Variants in BRSK1 observed in about 807,000 individuals in gnomAD.
BRSK1 encodes BR serine/threonine kinase 1.
A neutral mutation model predicts 86.2 loss-of-function variants in BRSK1; 17 were observed. That is an observed-to-expected ratio of 0.20 (90% CI 0.14 to 0.30). The LOEUF is 0.30. Ranked by LOEUF, BRSK1 falls within the 10% of genes least tolerant of loss-of-function variation. The pLI is 1.00. For synonymous variants in BRSK1, 464 were observed against 440.1 expected, an observed-to-expected ratio of 1.05 and a Z score of -0.68; for missense variants, 719 against 1,071.9, an observed-to-expected ratio of 0.67 and a Z score of 4.60.
chr19:55,302,019 C>G lies in BRSK1; in HGVS notation c.826-118C>G. On this transcript the variant is annotated intron_variant, in intron 8 of 18. Transcript: ENST00000309383. This position sits in a 1 kb window ranked among gnomAD's most constrained non-coding sequence, Gnocchi z 6.3. ...GGGCGATGTAATATGTCATCCTGCC[C>G]CCGGTGGGGTGGGCGGGGAGATGAT... is the stretch of plus-strand genomic sequence containing the variant. 1.7e-6 allele frequency: 2 copies of G among 1,192,998 alleles called. No homozygotes were observed. Among genetic ancestry groups the G allele is most frequent in the Non-Finnish European group, 2.5e-6 (2 of 799,130 alleles). The allele number at this position is 1,192,998 out of a possible 1,614,324, so 73.9% of individuals were successfully genotyped here. A position where few individuals can be genotyped will look rare whatever the true frequency, so the allele number is the denominator to read the frequency against.
Position 55,287,200 on chromosome 19 carries a change from CT to C in BRSK1, c.232-13del, listed in dbSNP as rs1568978489. ...GACCTCTTTTCCCGTGTCCCCACCC[CT>C]CTTGACCCTCAGGTGGAGCGGGAGA... On this transcript the variant is annotated splice_polypyrimidine_tract_variant and intron_variant, in intron 2 of 18. Coordinates refer to ENST00000309383, the MANE Select transcript of BRSK1 (RefSeq NM_032430.2). This position sits in a 1 kb window ranked among gnomAD's most constrained non-coding sequence, Gnocchi z 5.3. 2 of 1,614,056 alleles carry C rather than the reference CT, an allele frequency of 1.2e-6. No homozygotes were observed. Among genetic ancestry groups the C allele is most frequent in the Non-Finnish European group, 1.7e-6 (2 of 1,179,936 alleles).
chr19:55,311,255 C>G (rs543176860), intron 18 of BRSK1, among the ~76,000 whole-genome samples: 3 of 152,192 alleles, frequency 2.0e-5, no homozygotes, highest in Admixed American at 1.3e-4. Flanking sequence ...AGCCACTGCG[C>G]CCGGCCCACT....
At position 55,303,500 on chromosome 19, in the gene BRSK1, G is replaced by A; in HGVS notation, c.1126+92G>A. On this transcript the variant is annotated intron_variant, in intron 11 of 18. Coordinates refer to ENST00000309383, the MANE Select transcript of BRSK1 (RefSeq NM_032430.2). This position sits in a 1 kb window ranked among gnomAD's most constrained non-coding sequence, Gnocchi z 5.1. ...CCCCAGATTCCCAAGGAAAGAAGGG[G>A]CTGCAGGCTCTGAGCTTCCAGCTTT... 1 of 1,495,530 alleles carries A rather than the reference G, an allele frequency of 6.7e-7. No individual in the cohort carries two copies. Among genetic ancestry groups the A allele is most frequent in the Non-Finnish European group, 9.3e-7 (1 of 1,077,772 alleles). 92.6% of individuals were successfully genotyped at this position (1,495,530 alleles called of 1,614,324 possible). A position where few individuals can be genotyped will look rare whatever the true frequency, so the allele number is the denominator to read the frequency against.
At chr19:55,296,662 T>A (rs543249629) in intron 7 of BRSK1, among the ~76,000 whole-genome samples, 1 of 152,088 alleles carries the variant, frequency 6.6e-6, no homozygotes, top group Admixed American at 6.6e-5. Flanking sequence ...CTGGCTAACG[T>A]GGTGAAACCC....
At position 55,306,317 on chromosome 19, in the gene BRSK1, C is replaced by T. The variant is rs779515997; in HGVS notation, c.1956C>T (p.Gly652=). ...TCAGGGCCGAGTACAAGGCCAGTGG[C>T]GGCCCCTCCGTCTTCCAAAAGCCCG... ...TSFRAEYKAS[G]GPSVFQKPVR... is the part of the protein sequence containing the mutation. Residue 652 remains glycine, a synonymous_variant, in exon 17 of 19, where the codon GGC becomes GGT. Transcript: ENST00000309383. The surrounding 1 kb of genome is among the most constrained non-coding windows in gnomAD (Gnocchi z 4.7). The T allele has an allele frequency of 8.7e-6, 14 of 1,613,972 alleles. No homozygotes were observed. Among genetic ancestry groups the T allele is most frequent in the Middle Eastern group, 1.6e-4 (1 of 6,084 alleles).
At chr19:55,297,409 A>G (rs1307382778) in intron 7 of BRSK1, among the ~76,000 whole-genome samples, 2 of 152,060 alleles carry the variant, frequency 1.3e-5, no homozygotes, top group African/African-American at 4.8e-5. Flanking sequence ...TGATCATGTT[A>G]TTTCACACAA....
Position 55,305,596 on chromosome 19 carries a change from C to A in BRSK1, c.1890+10C>A. The A allele has an allele frequency of 6.2e-7, 1 of 1,613,900 alleles. No homozygotes were observed. Among genetic ancestry groups the A allele is most frequent in the Non-Finnish European group, 8.5e-7 (1 of 1,180,016 alleles). ...CCATGCCTTTCTGTCGGTGAGGGGC[C>A]TGGGTCCCCATCGAGCCTGGCCCCC... On this transcript the variant is annotated intron_variant, in intron 16 of 18. Transcript: ENST00000309383.
At position 55,303,463 on chromosome 19, in the gene BRSK1, T is replaced by G; in HGVS notation, c.1126+55T>G. 2 of 1,571,626 alleles carry G rather than the reference T, an allele frequency of 1.3e-6. No individual in the cohort carries two copies. The highest frequency in any genetic ancestry group is 1.8e-6 in the Non-Finnish European group (2 of 1,142,316). ...CCTGGGTCTCGAGATTGGAAGAGGC[T>G]GGCCACGGGGACCCCAGATTCCCAA... On this transcript the variant is annotated intron_variant, in intron 11 of 18. Transcript: ENST00000309383. This position sits in a 1 kb window ranked among gnomAD's most constrained non-coding sequence, Gnocchi z 5.1.
chr19:55,311,329 A>G (rs1200054135), intron 18 of BRSK1, among the ~76,000 whole-genome samples: 3 of 152,090 alleles, frequency 2.0e-5, no homozygotes, highest in Non-Finnish European at 4.4e-5. Context: ...CCTAGGCCCC[A>G]TGGAAATTGC....
intron 7 of BRSK1, among the ~76,000 whole-genome samples, chr19:55,301,188 GGATCCCT>G (rs2088564213): frequency 6.6e-6 from 1 of 152,200 alleles, no homozygotes; most frequent in Non-Finnish European, 1.5e-5. Flanking sequence ...GTTCACTGCT[GGATCCCT>G]GACCTGTAAC....
intron 7 of BRSK1, among the ~76,000 whole-genome samples, chr19:55,298,223 T>C (rs1267762375): frequency 1.4e-5 from 2 of 143,912 alleles, no homozygotes; most frequent in African/African-American, 2.5e-5. Context: ...TTTTTTTTTT[T>C]TTTTTTTTTT....
In BRSK1 at chr19:55,287,126, C is replaced by A; in HGVS notation, c.231+25C>A. On this transcript the variant is annotated intron_variant, in intron 2 of 18. Coordinates refer to ENST00000309383, the MANE Select transcript of BRSK1 (RefSeq NM_032430.2). This position sits in a 1 kb window ranked among gnomAD's most constrained non-coding sequence, Gnocchi z 5.3. ...GGTGTGTGCGCCTGCTGCAGTGTGCCTGCGGGTGGGGGGGCCTCCGGGGCT... is the reference window on the plus strand; with the variant it reads ...GGTGTGTGCGCCTGCTGCAGTGTGCATGCGGGTGGGGGGGCCTCCGGGGCT... 2 of 1,513,832 alleles carry A rather than the reference C, an allele frequency of 1.3e-6. No homozygotes were observed. The highest frequency in any genetic ancestry group is 1.8e-6 in the Non-Finnish European group (2 of 1,108,694). The allele number at this position is 1,513,832 out of a possible 1,614,324, so 93.8% of individuals were successfully genotyped here. A position where few individuals can be genotyped will look rare whatever the true frequency, so the allele number is the denominator to read the frequency against.
rs998433573 is a variant in BRSK1 at position 55,303,563 on chromosome 19, C to T, written c.1127-104C>T. 2.0e-6 allele frequency: 3 copies of T among 1,497,518 alleles called. No individual in the cohort carries two copies. The highest frequency in any genetic ancestry group is 2.7e-6 in the Non-Finnish European group (3 of 1,096,682). The allele number at this position is 1,497,518 out of a possible 1,614,324, so 92.8% of individuals were successfully genotyped here. A position where few individuals can be genotyped will look rare whatever the true frequency, so the allele number is the denominator to read the frequency against. On this transcript the variant is annotated intron_variant, in intron 11 of 18. Transcript: ENST00000309383. The surrounding 1 kb of genome is among the most constrained non-coding windows in gnomAD (Gnocchi z 5.1). ...TTGCTCTTTGACATTTATCAAATCC[C>T]CTCTCCACTCTAGGCCTGTTTCCCC...
At position 55,304,612 on chromosome 19, in the gene BRSK1, C is replaced by T; in HGVS notation, c.1409C>T (p.Ser470Phe). The change falls in exon 14 of 19, where the codon TCC (serine) becomes TTC (phenylalanine). Residue 470 changes from serine (S) to phenylalanine (F), a missense_variant. Physicochemically the swap from Ser to Phe is radical, Grantham distance 155. Transcript: ENST00000309383. The surrounding 1 kb of genome is among the most constrained non-coding windows in gnomAD (Gnocchi z 5.2). ...GGAGATGAGGCTCGAGGCGGGGGCT[C>T]CCCGACTTCCAAAACGCAGACGCTG... ...GAGDEARGGG[S>F]PTSKTQTLPS... 6.4e-7 allele frequency: 1 copy of T among 1,562,206 alleles called. No individual in the cohort carries two copies. The highest frequency in any genetic ancestry group is 8.6e-7 in the Non-Finnish European group (1 of 1,156,086).
At position 55,304,780 on chromosome 19, in the gene BRSK1, C is replaced by T. The variant is rs777359528; in HGVS notation, c.1577C>T (p.Ala526Val). The change falls in exon 14 of 19, where the codon GCC (alanine) becomes GTC (valine). Residue 526 changes from alanine (A) to valine (V), a missense_variant. By Grantham distance (64) the Ala-to-Val change is moderately conservative (BLOSUM62 0). Transcript: ENST00000309383. This position sits in a 1 kb window ranked among gnomAD's most constrained non-coding sequence, Gnocchi z 5.2. The stretch of plus-strand genomic sequence containing the variant: ...CACTCGCCTCTGCACACGCCCCGGG[C>T]CAGTCCCACCGGGACCCCGGGGACA... ...PLHSPLHTPR[A>V]SPTGTPGTTP... 5 of 1,557,922 alleles carry T rather than the reference C, an allele frequency of 3.2e-6. No individual in the cohort carries two copies. In the Admixed American group the frequency reaches 9.6e-5, roughly 30 times the overall value.
chr19:55,295,696 G>A (rs941425255), intron 7 of BRSK1, among the ~76,000 whole-genome samples: 3 of 152,178 alleles, frequency 2.0e-5, no homozygotes, highest in African/African-American at 2.4e-5. Flanking sequence ...GGCCGGGCAC[G>A]GAGGCTCACA....
At chr19:55,293,581 G>A (rs1354322532) in intron 4 of BRSK1, among the ~76,000 whole-genome samples, 2 of 151,960 alleles carry the variant, frequency 1.3e-5, no homozygotes, top group East Asian at 1.9e-4. Flanking sequence ...GAGAGGCCAA[G>A]GCGGGCGGAT....
chr19:55,305,173 G>A (rs1270089722), intron 14 of BRSK1, 148 bp from the exon 15 acceptor site: 2 of 1,237,190 alleles, frequency 1.6e-6, no homozygotes, highest in East Asian at 5.1e-5. Flanking sequence ...TTGGCCCGTG[G>A]TTTGTGAGCC....
rs2088646559 is a variant in BRSK1 at position 55,306,106 on chromosome 19, G to A, written c.1891-146G>A. 1 of 733,862 alleles carries A rather than the reference G, an allele frequency of 1.4e-6. No homozygotes were observed. The highest frequency in any genetic ancestry group is 1.8e-5 in the African/African-American group (1 of 56,780). The allele number at this position is 733,862 out of a possible 1,614,324, so 45.5% of individuals were successfully genotyped here. A position where few individuals can be genotyped will look rare whatever the true frequency, so the allele number is the denominator to read the frequency against. On this transcript the variant is annotated intron_variant, in intron 16 of 18. Transcript: ENST00000309383. This position sits in a 1 kb window ranked among gnomAD's most constrained non-coding sequence, Gnocchi z 4.7. ...AGGATAGAGAAAGCTACAAGTCCTT[G>A]CAGGCAGTGGGGCCTCCCAATGCAT...
Sources: allele counts gnomAD v4.1 joint callset (sites outside exome capture counted in the v4.1 genomes callset), GRCh38; gene constraint gnomAD v4.1.1; non-coding constraint Gnocchi (gnomAD v3.1); transcripts MANE v1.5; gene names NCBI Gene and HGNC (gene_info 2026-07-23, HGNC 2026-07-21).